The following DCP1B variants were observed in gnomAD, a reference collection of about 807,000 sequenced individuals.
DCP1B encodes decapping mRNA 1B.
Under a neutral mutation model 60.5 loss-of-function variants are expected in DCP1B, and 47 were observed. That is an observed-to-expected ratio of 0.78 (90% confidence interval 0.61 to 0.99). The LOEUF is 0.99. Ranked by LOEUF, DCP1B falls within the 50% of genes least tolerant of loss-of-function variation. The probability of loss-of-function intolerance (pLI) is 0.00; values close to 1 mark genes in which losing one functional copy is unlikely to be tolerated. For missense variants in DCP1B, 725 were observed against 756.8 expected, an observed-to-expected ratio of 0.96 and a Z score of 0.49; for synonymous variants, 267 against 280.3, an observed-to-expected ratio of 0.95 and a Z score of 0.47.
At chr12:1,993,053 T>A (rs947345677) in intron 3 of DCP1B, 7 of 709,200 alleles carry the variant, frequency 9.9e-6, no homozygotes, top group Non-Finnish European at 1.5e-5. Context: ...TAGGTTTATA[T>A]CATCATATTT....
chr12:1,993,025 G>A (rs2039843933), intron 3 of DCP1B: 1 of 656,008 alleles, frequency 1.5e-6, no homozygotes, highest in Non-Finnish European at 2.7e-6. Context: ...AATCCATAAA[G>A]CTTCAAAAGA....
chr12:1,955,356 C>T, intron 6 of DCP1B, 76 bp downstream of exon 6: 1 of 1,503,982 alleles, frequency 6.6e-7, no homozygotes, highest in Non-Finnish European at 8.9e-7. Flanking sequence ...CAGGCCCTCC[C>T]CTGACTATAT....
chr12:1,949,060 C>G, intron 8 of DCP1B, 26 bp downstream of exon 8: 2 of 1,603,058 alleles, frequency 1.2e-6, no homozygotes, highest in Non-Finnish European at 1.7e-6. Context: ...TGGTCAGGTG[C>G]GAAGGGAGAT....
At position 1,971,424 on chromosome 12, in the gene DCP1B, G is replaced by A. The variant is rs1051117289; in HGVS notation, c.320-3514C>T. Among the ~76,000 whole-genome samples the A allele has an allele frequency of 3.9e-5, 6 of 152,108 alleles. No individual in the cohort carries two copies. Among genetic ancestry groups the A allele is most frequent in the African/African-American group, 1.4e-4 (6 of 41,412 alleles). Reference sequence around the variant, plus strand: ...CAATTGAAAAAAAGTGATGTTTGAGGCAACAGGCAATGCAATACTGCCTTT... The same window carrying A: ...CAATTGAAAAAAAGTGATGTTTGAGACAACAGGCAATGCAATACTGCCTTT... On this transcript the variant is annotated intron_variant, in intron 3 of 8. Transcript: ENST00000280665. This position sits in a 1 kb window ranked among gnomAD's most constrained non-coding sequence, Gnocchi z 4.2.
rs1034202283 is a variant in DCP1B at position 1,952,287 on chromosome 12, C to T, written c.1524+129G>A. On this transcript the variant is annotated intron_variant, in intron 7 of 8. Coordinates refer to ENST00000280665, the MANE Select transcript of DCP1B (RefSeq NM_152640.5). ...CTCTTGAGCTCAAGGGATCCTCCCA[C>T]CTCAGCCTCCTCAGTAGCTGGTGCT... 3.4e-6 allele frequency: 4 copies of T among 1,173,108 alleles called. No individual in the cohort carries two copies. In the African/African-American group the frequency reaches 6.2e-5, roughly 18 times the overall value. 72.7% of individuals were successfully genotyped at this position (1,173,108 alleles called of 1,614,324 possible).
rs906850478 is a variant in DCP1B, at chr12:1,967,788, A to G, written c.386+56T>C. The G allele has an allele frequency of 6.8e-6, 10 of 1,471,346 alleles. No homozygotes were observed. In the Admixed American group the frequency reaches 1.4e-4, roughly 20 times the overall value. 91.1% of individuals were successfully genotyped at this position (1,471,346 alleles called of 1,614,324 possible). ...GACTGTAGTATAGTTACACACACTTAGAAATACAAACAAAAGCACCAGGTC... is the reference window on the plus strand; with the variant it reads ...GACTGTAGTATAGTTACACACACTTGGAAATACAAACAAAAGCACCAGGTC... On this transcript the variant is annotated intron_variant, in intron 4 of 8. Transcript: ENST00000280665.
downstream of DCP1B, among the ~76,000 whole-genome samples, chr12:1,945,885 G>A (rs2030400790): frequency 6.6e-6 from 1 of 152,144 alleles, no homozygotes; most frequent in Non-Finnish European, 1.5e-5. Context: ...GTCTGTCGCG[G>A]GGTGGGGGAC....
intron 5 of DCP1B, among the ~76,000 whole-genome samples, chr12:1,959,295 G>T (rs1387852865): frequency 6.6e-6 from 1 of 152,230 alleles, no homozygotes; most frequent in Non-Finnish European, 1.5e-5. Flanking sequence ...GTGAAGAGAT[G>T]ACCTATGGAG....
chr12:1,952,846 G>A lies in DCP1B; in HGVS notation c.1094C>T (p.Ala365Val). 3 of 1,614,156 alleles carry A rather than the reference G, an allele frequency of 1.9e-6. No individual in the cohort carries two copies. Among genetic ancestry groups the A allele is most frequent in the South Asian group, 1.1e-5 (1 of 91,080 alleles). The change falls in exon 7 of 9, where the codon GCA (alanine) becomes GTA (valine). Residue 365 changes from alanine to valine, a missense_variant. Ala to Val is a moderately conservative substitution (Grantham distance 64). Transcript: ENST00000280665. ...LFEKLQSTPG[A>V]ANKCDPSTPA... ...TGTACTAGGGTCACACTTGTTTGCT[G>A]CCCCTGGGGTACTCTGAAGTTTCTC...
At chr12:1,959,467 G>A (rs1297836885) in intron 5 of DCP1B, among the ~76,000 whole-genome samples, 1 of 152,174 alleles carries the variant, frequency 6.6e-6, no homozygotes, top group Non-Finnish European at 1.5e-5. Flanking sequence ...CATACATGTG[G>A]CCAATAGGTA....
chr12:1,942,150 G>A (rs937686692), downstream of DCP1B, among the ~76,000 whole-genome samples: 4 of 152,172 alleles, frequency 2.6e-5, no homozygotes, highest in African/African-American at 9.7e-5. Flanking sequence ...CCTAGTCTCT[G>A]ATAAAACAGA....
chr12:2,002,647 T>C (rs1486301875), intron 1 of DCP1B, among the ~76,000 whole-genome samples: 1 of 152,234 alleles, frequency 6.6e-6, no homozygotes, highest in Admixed American at 6.5e-5. Context: ...CTCTTTATAC[T>C]GACAGTTTCT....
chr12:1,980,880 G>A (rs1022482532), intron 3 of DCP1B, among the ~76,000 whole-genome samples: 2 of 151,892 alleles, frequency 1.3e-5, no homozygotes, highest in Non-Finnish European at 2.9e-5. Context: ...TTAACACAGT[G>A]AATAAACTTC....
At chr12:1,954,781 AC>A (rs1457998262) in intron 6 of DCP1B, among the ~76,000 whole-genome samples, 1 of 152,056 alleles carries the variant, frequency 6.6e-6, no homozygotes, top group Non-Finnish European at 1.5e-5. Flanking sequence ...TTGGGAAGCC[AC>A]CCACCCCAGA....
Position 1,967,914 on chromosome 12 carries a change from C to CA in DCP1B, c.320-5dup, listed in dbSNP as rs1565770221. 2 of 1,607,566 alleles carry CA rather than the reference C, an allele frequency of 1.2e-6. No homozygotes were observed. Among genetic ancestry groups the CA allele is most frequent in the Non-Finnish European group, 1.7e-6 (2 of 1,178,250 alleles). The stretch of plus-strand genomic sequence containing the variant: ...AACCAAATTCCATAGATGGACACTG[C>CA]AAAAAACACACATCAAACAAATTAT... On this transcript the variant is annotated splice_polypyrimidine_tract_variant and splice_region_variant and intron_variant, in intron 3 of 8. Transcript: ENST00000280665.
intron 2 of DCP1B, among the ~76,000 whole-genome samples, chr12:1,997,214 TAA>T (rs1374235105): frequency 6.6e-6 from 1 of 152,172 alleles, no homozygotes; most frequent in Non-Finnish European, 1.5e-5. Flanking sequence ...CATGCTTTTT[TAA>T]AGAGTCAGGG....
chr12:1,982,820 T>C (rs1183371910), intron 3 of DCP1B, among the ~76,000 whole-genome samples: 2 of 152,168 alleles, frequency 1.3e-5, no homozygotes, highest in African/African-American at 4.8e-5. Flanking sequence ...TGGAAAATAA[T>C]ACCTCTTCTA....
chr12:1,952,283 C>T, intron 7 of DCP1B, 133 bp downstream of exon 7: 1 of 1,131,338 alleles, frequency 8.8e-7, no homozygotes, highest in Non-Finnish European at 1.2e-6. Flanking sequence ...AAGGGATCCT[C>T]CCACCTCAGC....
intron 3 of DCP1B, among the ~76,000 whole-genome samples, chr12:1,988,835 TATGA>T (rs1420983277): frequency 3.3e-5 from 5 of 152,260 alleles, no homozygotes; most frequent in African/African-American, 1.2e-4. Context: ...TCCCAGATCC[TATGA>T]ATGTTAATCA....
Sources: allele counts gnomAD v4.1 joint callset (sites outside exome capture counted in the v4.1 genomes callset), GRCh38; gene constraint gnomAD v4.1.1; non-coding constraint Gnocchi (gnomAD v3.1); transcripts MANE v1.5; gene names NCBI Gene and HGNC (gene_info 2026-07-23, HGNC 2026-07-21).